DLGAP1: variants seen among roughly 807,000 people sequenced by gnomAD.
The protein encoded by DLGAP1 is disks large-associated protein 1.
In DLGAP1, 11 loss-of-function variants were observed where a neutral mutation model predicts 90.8. The observed-to-expected ratio is 0.12, with a 90% CI of 0.08 to 0.20. The LOEUF (loss-of-function observed/expected upper bound fraction) is 0.20, where lower values mean the gene tolerates loss of function less well. Ranked by LOEUF, DLGAP1 falls within the 10% of genes least tolerant of loss-of-function variation. DLGAP1 has a pLI of 1.00. For synonymous variants in DLGAP1, 558 were observed against 540.7 expected (o/e 1.03, Z -0.44); for missense variants, 1,050 against 1,333.8 (o/e 0.79, Z 3.31).
rs180733339 is a variant in DLGAP1 at position 4,267,419 on chromosome 18, A to T, written c.-266-116132T>A. ...TTGCCCTACAAATTACTTTGGTTAA[A>T]CTCTACAGTTACATTGTCTGGTTAT... is the stretch of plus-strand genomic sequence containing the variant. On this transcript the variant is annotated intron_variant, in intron 1 of 12. Transcript: ENST00000315677. Among the ~76,000 whole-genome samples the T allele has an allele frequency of 2.6e-5, 4 of 152,276 alleles. No homozygotes were observed. In the East Asian group the frequency reaches 7.7e-4, roughly 29 times the overall value.
chr18:3,861,395 T>C (rs1209478569), intron 4 of DLGAP1, among the ~76,000 whole-genome samples: 28 of 152,254 alleles, frequency 1.8e-4, no homozygotes. Context: ...ATTTTTTAAA[T>C]GTCATAATTT....
In DLGAP1 at chr18:3,601,009, G is replaced by GATATATAGATATATAGAT. The variant is rs1568280262; in HGVS notation, c.1592-18762_1592-18761insATCTATATATCTATATAT. ...ATAGATATATAGATATATAGATATA[G>GATATATAGATATATAGAT]ATAGATATATAGATATATAGATATA... is the stretch of plus-strand genomic sequence containing the variant. On this transcript the variant is annotated intron_variant, in intron 7 of 12. Transcript: ENST00000315677. Among the ~76,000 whole-genome samples, 19 of 118,956 alleles carry GATATATAGATATATAGAT rather than the reference G, an allele frequency of 1.6e-4. 1 individual carries two copies. The highest frequency in any genetic ancestry group is 6.7e-4 in the African/African-American group (19 of 28,204). 78.0% of individuals were successfully genotyped at this position (118,956 alleles called of 152,430 possible).
intron 1 of DLGAP1, among the ~76,000 whole-genome samples, chr18:4,359,901 G>A (rs2081596615): frequency 6.6e-6 from 1 of 152,134 alleles, no homozygotes; most frequent in Non-Finnish European, 1.5e-5. Flanking sequence ...CAATATACAT[G>A]CAAACAAACA....
At chr18:3,982,863 T>C (rs2073763670) in intron 3 of DLGAP1, among the ~76,000 whole-genome samples, 7 of 152,330 alleles carry the variant, frequency 4.6e-5, no homozygotes, top group Non-Finnish European at 1.5e-5. Context: ...TGAACCATCA[T>C]TGCTTAGATA....
intron 1 of DLGAP1, among the ~76,000 whole-genome samples, chr18:4,181,135 T>C (rs941217215): frequency 7.2e-5 from 11 of 152,232 alleles, no homozygotes; most frequent in East Asian, 1.9e-4. Context: ...TTTTATAAAA[T>C]AGAGTCCTTT....
Position 3,814,097 on chromosome 18 carries a change from C to T in DLGAP1, c.1134G>A (p.Lys378=), listed in dbSNP as rs1368283211. The change falls in exon 5 of 13, where the codon AAG becomes AAA. Residue 378 remains lysine, a synonymous_variant. Coordinates refer to ENST00000315677, the MANE Select transcript of DLGAP1 (RefSeq NM_004746.4). ...KVAARRESYL[K]ATQPSLTELT... is the part of the protein sequence containing the mutation. ...GTTCTGTAAGGGATGGCTGAGTAGCCTTGAGATAGCTTTCTCTCCGCGCAG... is the reference window on the plus strand; with the variant it reads ...GTTCTGTAAGGGATGGCTGAGTAGCTTTGAGATAGCTTTCTCTCCGCGCAG... The T allele has an allele frequency of 6.2e-7, 1 of 1,613,936 alleles. No individual in the cohort carries two copies. Among genetic ancestry groups the T allele is most frequent in the East Asian group, 2.2e-5 (1 of 44,864 alleles).
intron 7 of DLGAP1, among the ~76,000 whole-genome samples, chr18:3,641,070 C>A (rs1328769649): frequency 2.6e-5 from 4 of 152,022 alleles, no homozygotes; most frequent in Non-Finnish European, 5.9e-5. Context: ...CTTCATGAGG[C>A]ACAGCAAACA....
intron 1 of DLGAP1, among the ~76,000 whole-genome samples, chr18:4,432,700 T>G (rs550175704): frequency 6.6e-6 from 1 of 151,994 alleles, no homozygotes; most frequent in African/African-American, 2.4e-5. Context: ...GTACAATAGA[T>G]CTCCAGAATT....
At chr18:3,659,767 T>G (rs1161445431) in intron 7 of DLGAP1, among the ~76,000 whole-genome samples, 1 of 152,134 alleles carries the variant, frequency 6.6e-6, no homozygotes, top group Non-Finnish European at 1.5e-5. Context: ...GGTTTCACCA[T>G]GTTGGCCAGG....
intron 3 of DLGAP1, among the ~76,000 whole-genome samples, chr18:3,894,492 G>C (rs1294691875): frequency 6.6e-6 from 1 of 152,034 alleles, no homozygotes; most frequent in Non-Finnish European, 1.5e-5. Context: ...GTATGTTTTT[G>C]TTTACTTTGT....
intron 3 of DLGAP1, among the ~76,000 whole-genome samples, chr18:3,965,820 C>A (rs1306482425): frequency 6.6e-6 from 1 of 151,292 alleles, no homozygotes; most frequent in Non-Finnish European, 1.5e-5. Flanking sequence ...TGATGGCATG[C>A]ACCTGTAATC....
At chr18:3,834,613 T>G (rs1372704265) in intron 4 of DLGAP1, among the ~76,000 whole-genome samples, 1 of 152,202 alleles carries the variant, frequency 6.6e-6, no homozygotes, top group Non-Finnish European at 1.5e-5. Flanking sequence ...AATGTGTACG[T>G]ACACATATAC....
intron 10 of DLGAP1, among the ~76,000 whole-genome samples, chr18:3,532,013 C>T (rs1398746619): frequency 6.6e-6 from 1 of 151,940 alleles, no homozygotes; most frequent in Non-Finnish European, 1.5e-5. Flanking sequence ...TGCCATTGCA[C>T]CTGGCTAATT....
At chr18:3,951,214 C>G (rs765017801) in intron 3 of DLGAP1, among the ~76,000 whole-genome samples, 1 of 152,188 alleles carries the variant, frequency 6.6e-6, no homozygotes, top group Non-Finnish European at 1.5e-5. Context: ...CAAGTTAAAA[C>G]GTGACAGTGG....
chr18:3,681,752 G>GT (rs2060520563), intron 7 of DLGAP1, among the ~76,000 whole-genome samples: 1 of 152,160 alleles, frequency 6.6e-6, no homozygotes, highest in Non-Finnish European at 1.5e-5. Flanking sequence ...CATGGGGATG[G>GT]TTTCTCGTGA....
At chr18:3,882,011 T>C (rs576048601) in intron 3 of DLGAP1, among the ~76,000 whole-genome samples, 1 of 152,346 alleles carries the variant, frequency 6.6e-6, no homozygotes, top group East Asian at 1.9e-4. Flanking sequence ...TTTTCCTTTT[T>C]GAATTCTGTA....
Position 3,879,842 on chromosome 18 carries a change from G to T in DLGAP1, c.227C>A (p.Thr76Asn). 6.2e-7 allele frequency: 1 copy of T among 1,609,790 alleles called. No individual in the cohort carries two copies. Residue 76 changes from threonine (T) to asparagine (N), a missense_variant, in exon 4 of 13, where the codon ACC becomes AAC. This residue lies in a region of DLGAP1 where 485 missense variants were observed against 454.1 expected (regional missense o/e 1.07). Transcript: ENST00000315677. The surrounding 1 kb of genome is among the most constrained non-coding windows in gnomAD (Gnocchi z 6.6). ...CTCGTCCTTCAGCTCTTGCTGCGAG[G>T]TGTAGTGCCTGCGGGGGAAGGTGCT... Reference protein sequence around the residue: ...ASSTFPRRHYTSQQELKDECA... With the variant: ...ASSTFPRRHYNSQQELKDECA...
intron 6 of DLGAP1, among the ~76,000 whole-genome samples, chr18:3,730,742 C>T (rs1270302696): frequency 6.6e-6 from 1 of 152,102 alleles, no homozygotes; most frequent in Non-Finnish European, 1.5e-5. Flanking sequence ...TGACCAATTA[C>T]CTTAAGGCAT....
intron 7 of DLGAP1, among the ~76,000 whole-genome samples, chr18:3,600,685 G>T (rs376568520): frequency 7.7e-6 from 1 of 130,108 alleles, no homozygotes; most frequent in Non-Finnish European, 1.5e-5. Flanking sequence ...GATATCTATA[G>T]AGATCTATAT....
Sources: allele counts gnomAD v4.1 joint callset (sites outside exome capture counted in the v4.1 genomes callset), GRCh38; gene constraint gnomAD v4.1.1; regional missense constraint gnomAD v4.1.1; non-coding constraint Gnocchi (gnomAD v3.1); transcripts MANE v1.5; gene names NCBI Gene and HGNC (gene_info 2026-07-23, HGNC 2026-07-21).